Variants in TRMT2A observed in about 807,000 individuals in gnomAD.
TRMT2A encodes the protein tRNA methyltransferase 2A.
In TRMT2A, 60 loss-of-function variants were observed where a neutral mutation model predicts 59.3. That is an observed-to-expected ratio of 1.01 (90% CI 0.82 to 1.26). The LOEUF (loss-of-function observed/expected upper bound fraction) is 1.26, where lower values mean the gene tolerates loss of function less well. TRMT2A is among the 50% of genes most tolerant of loss of function. TRMT2A has a pLI of 0.00. For missense variants in TRMT2A, 863 were observed against 845.2 expected (o/e 1.02, Z -0.26); for synonymous variants, 403 against 353.7 (o/e 1.14, Z -1.56).
At chr22:20,113,553 C>G (rs780483344) in intron 8 of TRMT2A, 46 bp from the exon 9 acceptor site, 1 of 1,611,834 alleles carries the variant, frequency 6.2e-7, no homozygotes, top group South Asian at 1.1e-5. Flanking sequence ...GAGGGGAGTA[C>G]ATGGGGCCCT....
chr22:20,114,980 G>T lies in TRMT2A; in HGVS notation c.990C>A (p.Ala330=). The change falls in exon 5 of 12, where the codon GCC becomes GCA. Residue 330 remains alanine (A), a synonymous_variant. Coordinates refer to ENST00000252136, the MANE Select transcript of TRMT2A (RefSeq NM_022727.6). The part of the protein sequence containing the change: ...TSRRHQAMAI[A]YFHPQKLSPE... ...CCGTTGAGACCTGGGGGTGGAAGTA[G>T]GCAATGGCCATGGCCTGGTGGCGGC... 1 of 1,595,014 alleles carries T rather than the reference G, an allele frequency of 6.3e-7. No homozygotes were observed.
Position 20,117,153 on chromosome 22 carries a change from G to T in TRMT2A, c.-247C>A, listed in dbSNP as rs1811856108. On this transcript the variant is annotated 5_prime_UTR_variant, in exon 1 of 12. Coordinates refer to ENST00000252136, the MANE Select transcript of TRMT2A (RefSeq NM_022727.6). ...GGGCTGTACCGCCCGCCCGCCAGGG[G>T]CCCGCGCCGGCCGCTCGCTTCGCCA... 5.4e-6 allele frequency: 3 copies of T among 556,264 alleles called. No individual in the cohort carries two copies. Among genetic ancestry groups the T allele is most frequent in the Non-Finnish European group, 9.0e-6 (3 of 333,684 alleles). The allele number at this position is 556,264 out of a possible 1,614,324, so 34.5% of individuals were successfully genotyped here.
In TRMT2A at chr22:20,114,933, G is replaced by A; in HGVS notation, c.1005+32C>T. 3 of 1,569,670 alleles carry A rather than the reference G, an allele frequency of 1.9e-6. No homozygotes were observed. In the South Asian group the frequency reaches 3.5e-5, roughly 18 times the overall value. Reference sequence around the variant, plus strand: ...CTGTGCTGAGGCCCACCTAGGCTAGGCACCCTCCCCCAGCAGGGCCCCCGT... The same window carrying A: ...CTGTGCTGAGGCCCACCTAGGCTAGACACCCTCCCCCAGCAGGGCCCCCGT... On this transcript the variant is annotated intron_variant, in intron 5 of 11. Transcript: ENST00000252136.
At position 20,114,744 on chromosome 22, in the gene TRMT2A, C is replaced by G; in HGVS notation, c.1121+17G>C. On this transcript the variant is annotated intron_variant, in intron 6 of 11. Transcript: ENST00000252136. ...AGTCCCTGCAGGGACCTGCCCCGCC[C>G]CACTCGGGCTCCTTACCGCTGTCCC... 1.2e-6 allele frequency: 2 copies of G among 1,611,850 alleles called. No individual in the cohort carries two copies. The highest frequency in any genetic ancestry group is 1.7e-6 in the Non-Finnish European group (2 of 1,179,550).
At chr22:20,113,404 C>CCCCCCCCCCCCCGCCCTG in intron 9 of TRMT2A, 28 bp downstream of exon 9, 3 of 1,511,266 alleles carry the variant, frequency 2.0e-6, no homozygotes, top group African/African-American at 1.4e-5. Context: ...CCCCCATCCC[C>CCCCCCCCCCCCCGCCCTG]ACCCCCACCC....
At chr22:20,115,187 A>G in intron 4 of TRMT2A, 79 bp downstream of exon 4, 1 of 1,579,792 alleles carries the variant, frequency 6.3e-7, no homozygotes, top group South Asian at 1.1e-5. Flanking sequence ...CAGGCACTCC[A>G]GAATTCCCGG....
Position 20,112,412 on chromosome 22 carries a change from G to A in TRMT2A, c.*151C>T. The A allele has an allele frequency of 9.5e-6, 10 of 1,053,306 alleles. No homozygotes were observed. The highest frequency in any genetic ancestry group is 2.6e-5 in the East Asian group (1 of 38,108). The allele number at this position is 1,053,306 out of a possible 1,614,324, so 65.2% of individuals were successfully genotyped here. On this transcript the variant is annotated 3_prime_UTR_variant, in exon 12 of 12. Transcript: ENST00000252136. ...ACCTGTCTTCCTGGTCAGGGCCCCT[G>A]GCCCCTAGCAGCAGGCCAATCCTGG... is the stretch of plus-strand genomic sequence containing the variant.
Position 20,116,298 on chromosome 22 carries a change from A to G in TRMT2A, c.339T>C (p.Phe113=), listed in dbSNP as rs773594241. The change falls in exon 2 of 12, where the codon TTT becomes TTC. Residue 113 remains phenylalanine (F), a synonymous_variant. Coordinates refer to ENST00000252136, the MANE Select transcript of TRMT2A (RefSeq NM_022727.6). The part of the protein sequence containing the change: ...TKLFGQPPCA[F]VTFRSAAERD... ...TCTCTGCAGCGCTGCGGAATGTCAC[A>G]AAGGCGCAGGGTGGTTGCCCAAAGA... 8.6e-5 allele frequency: 139 copies of G among 1,612,852 alleles called. No homozygotes were observed. In the South Asian group the frequency reaches 1.5e-3, roughly 17 times the overall value.
chr22:20,114,861 C>T lies in TRMT2A; in HGVS notation c.1021G>A (p.Glu341Lys), dbSNP rs1017814460. ...AGGGAGGTCTTCAGCTCTGCCAGCT[C>T]CTCAGGGCTCAGCTTCTGGAGTAAG... ...YFHPQKLSPE[E>K]LAELKTSLAQ... Residue 341 changes from glutamate (E) to lysine (K), a missense_variant, in exon 6 of 12, where the codon GAG (glutamate) becomes AAG (lysine). By Grantham distance (56) the Glu-to-Lys change is moderately conservative (BLOSUM62 1). Coordinates refer to ENST00000252136, the MANE Select transcript of TRMT2A (RefSeq NM_022727.6). 2 of 1,597,558 alleles carry T rather than the reference C, an allele frequency of 1.3e-6. No individual in the cohort carries two copies. Among genetic ancestry groups the T allele is most frequent in the Admixed American group, 3.4e-5 (2 of 58,048 alleles).
rs767139548 is a variant in TRMT2A, at chr22:20,117,101, G to A, written c.-195C>T. On this transcript the variant is annotated 5_prime_UTR_variant, in exon 1 of 12. Coordinates refer to ENST00000252136, the MANE Select transcript of TRMT2A (RefSeq NM_022727.6). Reference sequence around the variant, plus strand: ...CAGGCGGGGCGGGACTCGAACCTGCGATGCTCAGGTCCGGGTCTCAGGCTT... The same window carrying A: ...CAGGCGGGGCGGGACTCGAACCTGCAATGCTCAGGTCCGGGTCTCAGGCTT... The A allele has an allele frequency of 1.4e-6, 1 of 711,042 alleles. No individual in the cohort carries two copies. Among genetic ancestry groups the A allele is most frequent in the Non-Finnish European group, 2.3e-6 (1 of 433,450 alleles). The allele number at this position is 711,042 out of a possible 1,614,324, so 44.0% of individuals were successfully genotyped here. A position where few individuals can be genotyped will look rare whatever the true frequency, so the allele number is the denominator to read the frequency against.
intron 1 of TRMT2A, 97 bp downstream of exon 1, chr22:20,116,786 C>G: frequency 6.9e-7 from 1 of 1,455,808 alleles, no homozygotes; most frequent in Non-Finnish European, 9.4e-7. Context: ...CCTATCGCAC[C>G]TGCCTCGTCC....
Position 20,116,250 on chromosome 22 carries a change from C to T in TRMT2A, c.387G>A (p.Leu129=). The T allele has an allele frequency of 6.2e-7, 1 of 1,612,934 alleles. No homozygotes were observed. Among genetic ancestry groups the T allele is most frequent in the Non-Finnish European group, 8.5e-7 (1 of 1,180,018 alleles). ...AAERDKALRV[L]HGALWKGRPL... ...GGCGGCCTTTCCAGAGGGCACCATG[C>T]AAAACGCGCAGGGCCTTGTCCCTCT... The change falls in exon 2 of 12, where the codon TTG becomes TTA. Residue 129 remains leucine (L), a synonymous_variant. Transcript: ENST00000252136.
At position 20,112,516 on chromosome 22, in the gene TRMT2A, G is replaced by T. The variant is rs745515497; in HGVS notation, c.*47C>A. On this transcript the variant is annotated 3_prime_UTR_variant, in exon 12 of 12. Coordinates refer to ENST00000252136, the MANE Select transcript of TRMT2A (RefSeq NM_022727.6). ...GCAAGCCATGCCTTCCCCGCCCCTG[G>T]GGCCCTGGGAGCCCTTCAGCTCCTG... The T allele has an allele frequency of 1.1e-5, 17 of 1,582,902 alleles. No homozygotes were observed. The highest frequency in any genetic ancestry group is 1.3e-5 in the Non-Finnish European group (15 of 1,162,648).
In TRMT2A at chr22:20,114,610, C is replaced by T. The variant is rs763894481; in HGVS notation, c.1197G>A (p.Gly399=). 6.2e-7 allele frequency: 1 copy of T among 1,613,670 alleles called. No individual in the cohort carries two copies. Among genetic ancestry groups the T allele is most frequent in the African/African-American group, 1.3e-5 (1 of 74,922 alleles). ...CGTGTGGAGAGATCCGGAAGGTCAG[C>T]CCTAGCAGGTCCTCGTGGATGCACC... is the stretch of plus-strand genomic sequence containing the variant. ...GDRCIHEDLL[G]LTFRISPHAF... Residue 399 remains glycine, a synonymous_variant, in exon 7 of 12, where the codon GGG becomes GGA. Coordinates refer to ENST00000252136, the MANE Select transcript of TRMT2A (RefSeq NM_022727.6).
Position 20,114,958 on chromosome 22 carries a change from T to C in TRMT2A, c.1005+7A>G, listed in dbSNP as rs2049964682. 6.3e-7 allele frequency: 1 copy of C among 1,583,710 alleles called. No individual in the cohort carries two copies. The highest frequency in any genetic ancestry group is 8.6e-7 in the Non-Finnish European group (1 of 1,166,168). The stretch of plus-strand genomic sequence containing the variant: ...GCACCCTCCCCCAGCAGGGCCCCCG[T>C]TGAGACCTGGGGGTGGAAGTAGGCA... On this transcript the variant is annotated splice_region_variant and intron_variant, in intron 5 of 11. Transcript: ENST00000252136.
At position 20,117,113 on chromosome 22, in the gene TRMT2A, C is replaced by T. The variant is rs1039093963; in HGVS notation, c.-207G>A. 57 of 681,564 alleles carry T rather than the reference C, an allele frequency of 8.4e-5. No homozygotes were observed. The highest frequency in any genetic ancestry group is 4.0e-4 in the Middle Eastern group (1 of 2,492). 42.2% of individuals were successfully genotyped at this position (681,564 alleles called of 1,614,324 possible). On this transcript the variant is annotated 5_prime_UTR_variant, in exon 1 of 12. Transcript: ENST00000252136. ...GACTCGAACCTGCGATGCTCAGGTCCGGGTCTCAGGCTTGGGGCTGTACCG... is the reference window on the plus strand; with the variant it reads ...GACTCGAACCTGCGATGCTCAGGTCTGGGTCTCAGGCTTGGGGCTGTACCG...
intron 1 of TRMT2A, 95 bp from the exon 2 acceptor site, chr22:20,116,707 G>A (rs1344099112): frequency 1.4e-6 from 2 of 1,446,622 alleles, no homozygotes; most frequent in Middle Eastern, 2.3e-4. Flanking sequence ...CTCCGTCGGT[G>A]CACTCTGCAC....
At chr22:20,113,393 G>GGCCCCCTGCCCCCCCCCCCCCCC in intron 9 of TRMT2A, 39 bp downstream of exon 9, 1 of 1,556,264 alleles carries the variant, frequency 6.4e-7, no homozygotes, top group Non-Finnish European at 8.8e-7. Flanking sequence ...GGTGGCGGCT[G>GGCCCCCTGCCCCCCCCCCCCCCC]CCCCCATCCC....
chr22:20,114,312 C>T (rs955905610), intron 7 of TRMT2A, among the ~76,000 whole-genome samples: 11 of 152,242 alleles, frequency 7.2e-5, no homozygotes, highest in African/African-American at 2.7e-4. Context: ...CCTGCCGAGC[C>T]CAGAGCAGTG....
Sources: allele counts gnomAD v4.1 joint callset (sites outside exome capture counted in the v4.1 genomes callset), GRCh38; gene constraint gnomAD v4.1.1; transcripts MANE v1.5; gene names NCBI Gene and HGNC (gene_info 2026-07-23, HGNC 2026-07-21).